The following NPR2 variants were observed in gnomAD, a reference collection of about 807,000 sequenced individuals.
NPR2 encodes the protein natriuretic peptide receptor 2.
Under a neutral mutation model 120.7 loss-of-function variants are expected in NPR2, and 49 were observed. That is an observed-to-expected ratio of 0.41 (90% CI 0.32 to 0.52). The LOEUF (loss-of-function observed/expected upper bound fraction) is 0.52, where lower values mean the gene tolerates loss of function less well. Ranked by LOEUF, NPR2 falls within the 20% of genes least tolerant of loss-of-function variation. The pLI is 0.36. For missense variants in NPR2, 931 were observed against 1,362.9 expected (o/e 0.68, Z 4.99); for synonymous variants, 484 against 519.8 (o/e 0.93, Z 0.94).
intron 2 of NPR2, among the ~76,000 whole-genome samples, chr9:35,796,606 A>G (rs1279484145): frequency 6.6e-6 from 1 of 152,214 alleles, no homozygotes; most frequent in Admixed American, 6.5e-5. Context: ...AATCAGTTAT[A>G]TCAATTAACT....
In NPR2 at chr9:35,801,114, A is replaced by T. The variant is rs1828137567; in HGVS notation, c.1396A>T (p.Thr466Ser). 2.5e-6 allele frequency: 4 copies of T among 1,614,028 alleles called. No homozygotes were observed. Among genetic ancestry groups the T allele is most frequent in the Non-Finnish European group, 3.4e-6 (4 of 1,179,980 alleles). Residue 466 changes from threonine to serine, a missense_variant, in exon 7 of 22, where the codon ACC becomes TCC. Coordinates refer to ENST00000342694, the MANE Select transcript of NPR2 (RefSeq NM_003995.4). ...AATTGTGGCTCTGGGCACAGGAATC[A>T]CCTTCATCATGTTTGGTGTTTCCAG... ...LAIVALGTGI[T>S]FIMFGVSSFL...
chr9:35,799,023 C>T (rs533498356), intron 2 of NPR2, among the ~76,000 whole-genome samples: 4 of 152,348 alleles, frequency 2.6e-5, no homozygotes, highest in South Asian at 2.1e-4. Flanking sequence ...CAGCTTTTCA[C>T]AGGTGGAATC....
Position 35,802,478 on chromosome 9 carries a change from C to T in NPR2, c.1711-25C>T, listed in dbSNP as rs772739327. On this transcript the variant is annotated intron_variant, in intron 10 of 21. Transcript: ENST00000342694. This position sits in a 1 kb window ranked among gnomAD's most constrained non-coding sequence, Gnocchi z 4.2. The stretch of plus-strand genomic sequence containing the variant: ...TTTTTAACTCTTTCAATTTTCTTAT[C>T]CTTCCCATTGTTTTTTTCTGCCAGA... The T allele has an allele frequency of 3.6e-6, 5 of 1,377,438 alleles. No homozygotes were observed. Among genetic ancestry groups the T allele is most frequent in the Non-Finnish European group, 4.1e-6 (4 of 964,134 alleles). 85.3% of individuals were successfully genotyped at this position (1,377,438 alleles called of 1,614,324 possible). A position where few individuals can be genotyped will look rare whatever the true frequency, so the allele number is the denominator to read the frequency against.
rs540279942 is a variant in NPR2 at position 35,806,968 on chromosome 9, C to T, written c.2520-55C>T. ...CTGCAGCCACATACACTTTCCCTCTCTCTTCCACTCCTGCTCTCTTGGAGT... is the reference window on the plus strand; with the variant it reads ...CTGCAGCCACATACACTTTCCCTCTTTCTTCCACTCCTGCTCTCTTGGAGT... On this transcript the variant is annotated intron_variant, in intron 16 of 21. Coordinates refer to ENST00000342694, the MANE Select transcript of NPR2 (RefSeq NM_003995.4). This position sits in a 1 kb window ranked among gnomAD's most constrained non-coding sequence, Gnocchi z 4.6. The T allele has an allele frequency of 5.0e-6, 8 of 1,603,304 alleles. 1 individual carries two copies. The South Asian group carries it at 6.6e-5, about 13-fold the overall frequency.
rs1162267298 is a variant in NPR2, at chr9:35,805,332, A to G, written c.1888-179A>G. Among the ~76,000 whole-genome samples, 1 of 152,198 alleles carries G rather than the reference A, an allele frequency of 6.6e-6. No individual in the cohort carries two copies. The highest frequency in any genetic ancestry group is 1.5e-5 in the Non-Finnish European group (1 of 68,034). ...GTCCTGCTTATGATACCAGGAACAGATGACTCTTCTGTTCTTCCTGCTTCC... is the reference window on the plus strand; with the variant it reads ...GTCCTGCTTATGATACCAGGAACAGGTGACTCTTCTGTTCTTCCTGCTTCC... On this transcript the variant is annotated intron_variant, in intron 12 of 21. Coordinates refer to ENST00000342694, the MANE Select transcript of NPR2 (RefSeq NM_003995.4). This position sits in a 1 kb window ranked among gnomAD's most constrained non-coding sequence, Gnocchi z 4.9.
At position 35,792,180 on chromosome 9, in the gene NPR2, T is replaced by A. The variant is rs918153600; in HGVS notation, c.-229T>A. On this transcript the variant is annotated 5_prime_UTR_variant, in exon 1 of 22. Coordinates refer to ENST00000342694, the MANE Select transcript of NPR2 (RefSeq NM_003995.4). ...CCCCCTGCCACCCCGTTCTCAGTCC[T>A]CAGTCCTTGCCCTAGGCTGGTAGCC... 30 of 336,716 alleles carry A rather than the reference T, an allele frequency of 8.9e-5. No individual in the cohort carries two copies. Among genetic ancestry groups the A allele is most frequent in the East Asian group, 2.0e-4 (3 of 15,092 alleles). The allele number at this position is 336,716 out of a possible 1,614,324, so 20.9% of individuals were successfully genotyped here.
chr9:35,807,879 C>T (rs1828491193), intron 18 of NPR2, among the ~76,000 whole-genome samples: 1 of 152,144 alleles, frequency 6.6e-6, no homozygotes. Flanking sequence ...TTAGGTAAGT[C>T]ACAGAATCTC....
chr9:35,806,279 C>T lies in NPR2; in HGVS notation c.2372+46C>T, dbSNP rs778015638. The T allele has an allele frequency of 1.2e-6, 2 of 1,612,542 alleles. No individual in the cohort carries two copies. The highest frequency in any genetic ancestry group is 8.5e-7 in the Non-Finnish European group (1 of 1,178,760). On this transcript the variant is annotated intron_variant, in intron 15 of 21. Transcript: ENST00000342694. This position sits in a 1 kb window ranked among gnomAD's most constrained non-coding sequence, Gnocchi z 4.6. ...AGGGGCTTCCCAGGGATAGAAGACT[C>T]ATTAGTCCTAGTGCATGAAGTGGGG...
In NPR2 at chr9:35,802,666, C is replaced by A; in HGVS notation, c.1815+59C>A. 1 of 1,473,480 alleles carries A rather than the reference C, an allele frequency of 6.8e-7. No individual in the cohort carries two copies. Among genetic ancestry groups the A allele is most frequent in the Non-Finnish European group, 9.5e-7 (1 of 1,051,802 alleles). 91.3% of individuals were successfully genotyped at this position (1,473,480 alleles called of 1,614,324 possible). On this transcript the variant is annotated intron_variant, in intron 11 of 21. Coordinates refer to ENST00000342694, the MANE Select transcript of NPR2 (RefSeq NM_003995.4). The surrounding 1 kb of genome is among the most constrained non-coding windows in gnomAD (Gnocchi z 4.2). ...TGGGAAGGATAGACCCAAAGTTATA[C>A]TGACTCTATGCTGGGTGATAGCTGG... is the stretch of plus-strand genomic sequence containing the variant.
Position 35,809,313 on chromosome 9 carries a change from G to GGAAA in NPR2, c.3079-64_3079-61dup. On this transcript the variant is annotated intron_variant, in intron 21 of 21. Coordinates refer to ENST00000342694, the MANE Select transcript of NPR2 (RefSeq NM_003995.4). The surrounding 1 kb of genome is among the most constrained non-coding windows in gnomAD (Gnocchi z 4.1). Reference sequence around the variant, plus strand: ...GTGAAAGTGATTATGGGAATCATAGGGAAAGAGAGGGAGACAAAGGGACTA... The same window carrying GGAAA: ...GTGAAAGTGATTATGGGAATCATAGGGAAAGAAAGAGAGGGAGACAAAGGGACTA... 1 of 1,610,544 alleles carries GGAAA rather than the reference G, an allele frequency of 6.2e-7. No individual in the cohort carries two copies. Among genetic ancestry groups the GGAAA allele is most frequent in the East Asian group, 2.2e-5 (1 of 44,866 alleles).
chr9:35,805,742 T>C lies in NPR2; in HGVS notation c.2047+72T>C, dbSNP rs1828347086. The C allele has an allele frequency of 2.5e-6, 4 of 1,608,804 alleles. No homozygotes were observed. The highest frequency in any genetic ancestry group is 1.8e-4 in the Middle Eastern group (1 of 5,446). On this transcript the variant is annotated intron_variant, in intron 13 of 21. Coordinates refer to ENST00000342694, the MANE Select transcript of NPR2 (RefSeq NM_003995.4). This position sits in a 1 kb window ranked among gnomAD's most constrained non-coding sequence, Gnocchi z 4.9. ...ACCTAGGGATGGTGGGAGAGGGAGGTGGAGTGACAGTAATATAGGGATGAG... is the reference window on the plus strand; with the variant it reads ...ACCTAGGGATGGTGGGAGAGGGAGGCGGAGTGACAGTAATATAGGGATGAG...
At chr9:35,798,535 T>G (rs2031697833) in intron 2 of NPR2, among the ~76,000 whole-genome samples, 1 of 152,248 alleles carries the variant, frequency 6.6e-6, no homozygotes, top group African/African-American at 2.4e-5. Flanking sequence ...AGGCCATATG[T>G]GATGTGTCTA....
chr9:35,807,490 C>T lies in NPR2; in HGVS notation c.2712+92C>T. 1.3e-5 allele frequency: 13 copies of T among 1,017,820 alleles called. No individual in the cohort carries two copies. The South Asian group carries it at 1.5e-4, about 12-fold the overall frequency. The allele number at this position is 1,017,820 out of a possible 1,614,324, so 63.0% of individuals were successfully genotyped here. A position where few individuals can be genotyped will look rare whatever the true frequency, so the allele number is the denominator to read the frequency against. On this transcript the variant is annotated intron_variant, in intron 18 of 21. Transcript: ENST00000342694. ...CCTGAACCCCACACACCTTACCCAC[C>T]CCATGATCAGTTTTCCCTCCAGGGT...
In NPR2 at chr9:35,808,479, AG is replaced by A. The variant is rs1828545288; in HGVS notation, c.2713-28del. 3 of 1,610,696 alleles carry A rather than the reference AG, an allele frequency of 1.9e-6. No homozygotes were observed. Among genetic ancestry groups the A allele is most frequent in the Admixed American group, 3.3e-5 (2 of 59,984 alleles). The stretch of plus-strand genomic sequence containing the variant: ...TTCCCATCCCCATGGATATAAATAG[AG>A]GTGACCTTTTAATCCCCCTCTCAAT... On this transcript the variant is annotated intron_variant, in intron 18 of 21. Transcript: ENST00000342694. This position sits in a 1 kb window ranked among gnomAD's most constrained non-coding sequence, Gnocchi z 4.0.
At position 35,802,775 on chromosome 9, in the gene NPR2, G is replaced by A. The variant is rs768322392; in HGVS notation, c.1859G>A (p.Arg620His). The part of the protein sequence containing the change: ...NDSINLDWMF[R>H]YSLINDLVKG... Reference sequence around the variant, plus strand: ...AGCATCAACTTGGACTGGATGTTTCGTTATTCACTCATTAATGACCTTGTT... The same window carrying A: ...AGCATCAACTTGGACTGGATGTTTCATTATTCACTCATTAATGACCTTGTT... Residue 620 changes from arginine to histidine, a missense_variant, in exon 12 of 22, where the codon CGT (arginine) becomes CAT (histidine). Physicochemically the swap from Arg to His is conservative, Grantham distance 29 (BLOSUM62 0). Coordinates refer to ENST00000342694, the MANE Select transcript of NPR2 (RefSeq NM_003995.4). This position sits in a 1 kb window ranked among gnomAD's most constrained non-coding sequence, Gnocchi z 4.2. 9.3e-6 allele frequency: 15 copies of A among 1,612,290 alleles called. No individual in the cohort carries two copies. Among genetic ancestry groups the A allele is most frequent in the East Asian group, 8.9e-5 (4 of 44,888 alleles).
At position 35,806,975 on chromosome 9, in the gene NPR2, A is replaced by T. The variant is rs772969115; in HGVS notation, c.2520-48A>T. ...CACATACACTTTCCCTCTCTCTTCC[A>T]CTCCTGCTCTCTTGGAGTTTGGCTC... On this transcript the variant is annotated intron_variant, in intron 16 of 21. Transcript: ENST00000342694. This position sits in a 1 kb window ranked among gnomAD's most constrained non-coding sequence, Gnocchi z 4.6. The T allele has an allele frequency of 5.6e-6, 9 of 1,605,608 alleles. No individual in the cohort carries two copies. The South Asian group carries it at 7.7e-5, about 14-fold the overall frequency.
In NPR2 at chr9:35,799,739, G is replaced by A; in HGVS notation, c.987+8G>A. 3.1e-6 allele frequency: 5 copies of A among 1,599,982 alleles called. No individual in the cohort carries two copies. Among genetic ancestry groups the A allele is most frequent in the Non-Finnish European group, 4.3e-6 (5 of 1,167,292 alleles). On this transcript the variant is annotated splice_region_variant and intron_variant, in intron 3 of 21. Coordinates refer to ENST00000342694, the MANE Select transcript of NPR2 (RefSeq NM_003995.4). ...GAGCTGGGCCCTTCCCTGGTAAGTA[G>A]ATCTCTCCCTTCCTGAGAGTCAGGT...
rs751324720 is a variant in NPR2, at chr9:35,802,246, T to A, written c.1673T>A (p.Ile558Asn). Residue 558 changes from isoleucine (I) to asparagine (N), a missense_variant, in exon 10 of 22, where the codon ATT (isoleucine) becomes AAT (asparagine). Physicochemically the swap from Ile to Asn is moderately radical, Grantham distance 149. Transcript: ENST00000342694. This position sits in a 1 kb window ranked among gnomAD's most constrained non-coding sequence, Gnocchi z 4.2. Reference sequence around the variant, plus strand: ...ATCAAACATGTGAATAAGAAGCGCATTGAGCTGACCCGGCAGGTTCTGTTT... The same window carrying A: ...ATCAAACATGTGAATAAGAAGCGCAATGAGCTGACCCGGCAGGTTCTGTTT... ...VAIKHVNKKRIELTRQVLFEL... is the reference protein window; with the variant it reads ...VAIKHVNKKRNELTRQVLFEL... 4 of 1,609,046 alleles carry A rather than the reference T, an allele frequency of 2.5e-6. No individual in the cohort carries two copies. Among genetic ancestry groups the A allele is most frequent in the Non-Finnish European group, 1.7e-6 (2 of 1,175,664 alleles).
Position 35,792,335 on chromosome 9 carries a change from G to T in NPR2, c.-74G>T. The T allele has an allele frequency of 2.0e-6, 3 of 1,498,690 alleles. No individual in the cohort carries two copies. The highest frequency in any genetic ancestry group is 2.5e-5 in the South Asian group (2 of 79,842). The allele number at this position is 1,498,690 out of a possible 1,614,324, so 92.8% of individuals were successfully genotyped here. A position where few individuals can be genotyped will look rare whatever the true frequency, so the allele number is the denominator to read the frequency against. On this transcript the variant is annotated 5_prime_UTR_variant, in exon 1 of 22. Coordinates refer to ENST00000342694, the MANE Select transcript of NPR2 (RefSeq NM_003995.4). Reference sequence around the variant, plus strand: ...CCCTCTTCCCCAGGCTCCAGGCTGGGGGGTGCTCGCGTCTCCCCTGTAGGC... The same window carrying T: ...CCCTCTTCCCCAGGCTCCAGGCTGGTGGGTGCTCGCGTCTCCCCTGTAGGC...
Sources: allele counts gnomAD v4.1 joint callset (sites outside exome capture counted in the v4.1 genomes callset), GRCh38; gene constraint gnomAD v4.1.1; non-coding constraint Gnocchi (gnomAD v3.1); transcripts MANE v1.5; gene names NCBI Gene and HGNC (gene_info 2026-07-23, HGNC 2026-07-21).